The following LDHAL6A variants were observed in gnomAD, a reference collection of about 807,000 sequenced individuals.
LDHAL6A encodes the protein lactate dehydrogenase A like 6A.
LDHAL6A carries 19 observed loss-of-function variants against 28.2 expected under a neutral mutation model. That is an observed-to-expected ratio of 0.67 (90% CI 0.47 to 0.99). LDHAL6A has a LOEUF of 0.99. LDHAL6A is among the 50% of genes least tolerant of loss of function. The pLI, the probability that LDHAL6A is intolerant of heterozygous loss-of-function variation, is 0.00. For synonymous variants in LDHAL6A, 144 were observed against 134.4 expected, an observed-to-expected ratio of 1.07 and a Z score of -0.49; for missense variants, 372 against 398.6, an observed-to-expected ratio of 0.93 and a Z score of 0.57.
chr11:18,467,096 CAGCT>C (rs1167026477), intron 3 of LDHAL6A, among the ~76,000 whole-genome samples: 1 of 152,120 alleles, frequency 6.6e-6, no homozygotes, highest in Non-Finnish European at 1.5e-5. Flanking sequence ...AAATGTCAAA[CAGCT>C]AGAGATTATG....
chr11:18,468,003 G>GTATATATATACATATATATACGTA (rs1565071583), intron 3 of LDHAL6A, among the ~76,000 whole-genome samples: 5 of 61,596 alleles, frequency 8.1e-5, no homozygotes, highest in African/African-American at 3.4e-4. Context: ...ATATATATAC[G>GTATATATATACATATATATACGTA]TATATATATA....
rs1485559262 is a variant in LDHAL6A at position 18,469,031 on chromosome 11, T to C, written c.418+3221T>C. 4.9e-5 allele frequency: 20 copies of C among 407,102 alleles called. No homozygotes were observed. In the Admixed American group the frequency reaches 5.6e-4, roughly 11 times the overall value. 25.2% of individuals were successfully genotyped at this position (407,102 alleles called of 1,614,324 possible). A position where few individuals can be genotyped will look rare whatever the true frequency, so the allele number is the denominator to read the frequency against. On this transcript the variant is annotated intron_variant, in intron 3 of 6. Transcript: ENST00000280706. ...CTGAAAATAACAAGCTGATGATACA[T>C]TATCACATTGTACAATAGTATTTTA... is the stretch of plus-strand genomic sequence containing the variant.
intron 1 of LDHAL6A, among the ~76,000 whole-genome samples, chr11:18,460,991 C>T (rs183568590): frequency 0.024 from 3,725 of 152,168 alleles, 164 homozygotes; most frequent in African/African-American, 0.085. Flanking sequence ...GCATGTGCCC[C>T]CATGCCCAGC....
Position 18,456,568 on chromosome 11 carries a change from G to GT in LDHAL6A, c.-113_-112insT. The GT allele has an allele frequency of 1.1e-6, 1 of 903,564 alleles. No individual in the cohort carries two copies. Among genetic ancestry groups the GT allele is most frequent in the Admixed American group, 2.4e-5 (1 of 40,976 alleles). 56.0% of individuals were successfully genotyped at this position (903,564 alleles called of 1,614,324 possible). A position where few individuals can be genotyped will look rare whatever the true frequency, so the allele number is the denominator to read the frequency against. On this transcript the variant is annotated 5_prime_UTR_variant, in exon 1 of 7. An upstream open reading frame in the 5' UTR loses its in-frame stop. Coordinates refer to ENST00000280706, the MANE Select transcript of LDHAL6A (RefSeq NM_144972.5). ...GTCTGCAGCACCTCCTTCCACACGG[G>GT]CCCAGGAGTTCTCTATACGCGCTCT... is the stretch of plus-strand genomic sequence containing the variant.
chr11:18,474,412 C>T (rs540009628), intron 3 of LDHAL6A, among the ~76,000 whole-genome samples: 77 of 149,242 alleles, frequency 5.2e-4, no homozygotes, highest in Non-Finnish European at 1.0e-3. Context: ...TTTTTTGAGA[C>T]GGAGTCTTGC....
intron 1 of LDHAL6A, among the ~76,000 whole-genome samples, chr11:18,459,814 G>C (rs1848850766): frequency 6.6e-6 from 1 of 152,066 alleles, no homozygotes; most frequent in Non-Finnish European, 1.5e-5. Context: ...AGTTTCTTTA[G>C]ATTTTTCTTG....
chr11:18,461,659 G>A (rs1848908141), intron 1 of LDHAL6A, among the ~76,000 whole-genome samples: 1 of 151,028 alleles, frequency 6.6e-6, no homozygotes, highest in Non-Finnish European at 1.5e-5. Flanking sequence ...GACCAGCCTG[G>A]CCAACATGGT....
intron 3 of LDHAL6A, among the ~76,000 whole-genome samples, chr11:18,467,880 CATATATATATATATATAT>C (rs1161164040): frequency 6.7e-5 from 3 of 44,454 alleles, no homozygotes; most frequent in African/African-American, 2.9e-4. Flanking sequence ...TATATACACA[CATATATATATATATATAT>C]ATATATATAT....
chr11:18,469,350 CAAATT>C (rs1849201982), intron 3 of LDHAL6A: 1 of 420,210 alleles, frequency 2.4e-6, no homozygotes, highest in Non-Finnish European at 4.2e-6. Flanking sequence ...TTAGGAAAAA[CAAATT>C]AAGCATCACT....
In LDHAL6A at chr11:18,475,104, G is replaced by A. The variant is rs527716847; in HGVS notation, c.419-362G>A. 47 of 186,128 alleles carry A rather than the reference G, an allele frequency of 2.5e-4. 1 individual carries two copies. Among genetic ancestry groups the A allele is most frequent in the Non-Finnish European group, 4.5e-4 (40 of 88,870 alleles). The allele number at this position is 186,128 out of a possible 1,614,324, so 11.5% of individuals were successfully genotyped here. ...AAAGATTACAGATGTGAGCCACTGC[G>A]CTCATCCCTCTCTTCCCCTCTTAAC... On this transcript the variant is annotated intron_variant, in intron 3 of 6. Coordinates refer to ENST00000280706, the MANE Select transcript of LDHAL6A (RefSeq NM_144972.5).
chr11:18,471,070 T>C (rs529221883), intron 3 of LDHAL6A, among the ~76,000 whole-genome samples: 2 of 152,210 alleles, frequency 1.3e-5, no homozygotes, highest in Admixed American at 6.5e-5. Context: ...TATTTTATTA[T>C]GCTGATATGA....
Position 18,456,306 on chromosome 11 carries a change from G to A in LDHAL6A, c.-375G>A, listed in dbSNP as rs1848752156. On this transcript the variant is annotated 5_prime_UTR_variant, in exon 1 of 7. Transcript: ENST00000280706. ...CTGGAGCTGAGAACTGGAGGTTGGGGGAACAGCAGGGTAAAGGGGAGAGAA... is the reference window on the plus strand; with the variant it reads ...CTGGAGCTGAGAACTGGAGGTTGGGAGAACAGCAGGGTAAAGGGGAGAGAA... 4.8e-6 allele frequency: 1 copy of A among 208,112 alleles called. No homozygotes were observed. The highest frequency in any genetic ancestry group is 9.6e-6 in the Non-Finnish European group (1 of 103,970). The allele number at this position is 208,112 out of a possible 1,614,324, so 12.9% of individuals were successfully genotyped here.
intron 5 of LDHAL6A, among the ~76,000 whole-genome samples, chr11:18,477,237 T>C (rs779192057): frequency 2.0e-5 from 3 of 151,862 alleles, no homozygotes; most frequent in Non-Finnish European, 2.9e-5. Context: ...GGTAGGTGGA[T>C]CACTTGAGAT....
chr11:18,464,906 G>C (rs1849008346), intron 2 of LDHAL6A, among the ~76,000 whole-genome samples: 2 of 151,398 alleles, frequency 1.3e-5, no homozygotes, highest in South Asian at 4.2e-4. Flanking sequence ...ATTCTTGCCA[G>C]AGTAATCCAT....
At position 18,456,584 on chromosome 11, in the gene LDHAL6A, T is replaced by A; in HGVS notation, c.-97T>A. The A allele has an allele frequency of 8.9e-7, 1 of 1,118,244 alleles. No homozygotes were observed. Among genetic ancestry groups the A allele is most frequent in the South Asian group, 1.3e-5 (1 of 76,996 alleles). The allele number at this position is 1,118,244 out of a possible 1,614,324, so 69.3% of individuals were successfully genotyped here. ...TCCACACGGGCCCAGGAGTTCTCTA[T>A]ACGCGCTCTCACCGCAGGTCTTGGA... is the stretch of plus-strand genomic sequence containing the variant. On this transcript the variant is annotated 5_prime_UTR_variant, in exon 1 of 7. The change creates a premature stop within an existing upstream ORF in the 5' untranslated region. Transcript: ENST00000280706.
chr11:18,463,896 T>G, intron 1 of LDHAL6A, 65 bp from the exon 2 acceptor site: 3 of 990,954 alleles, frequency 3.0e-6, no homozygotes, highest in Non-Finnish European at 4.8e-6. Context: ...ATATAAGAAT[T>G]TTCTTTCATT....
intron 3 of LDHAL6A, among the ~76,000 whole-genome samples, chr11:18,468,025 GTA>G (rs374716640): frequency 0.024 from 1,340 of 54,760 alleles, 82 homozygotes; most frequent in African/African-American, 0.14. Context: ...ATATATATAC[GTA>G]TATATATATA....
intron 3 of LDHAL6A, chr11:18,469,272 T>G (rs1849199825): frequency 1.8e-6 from 1 of 560,554 alleles, no homozygotes; most frequent in Non-Finnish European, 3.1e-6. Context: ...ATCCCCAACC[T>G]ACTTTGATTT....
chr11:18,473,604 C>A (rs557399819), intron 3 of LDHAL6A, among the ~76,000 whole-genome samples: 22 of 152,226 alleles, frequency 1.4e-4, no homozygotes, highest in Non-Finnish European at 2.8e-4. Flanking sequence ...GTTATGTTGC[C>A]CAGGCTGGTC....
Sources: gnomAD v4.1 joint callset for allele counts (sites outside exome capture counted in the v4.1 genomes callset) on GRCh38, gnomAD v4.1.1 for gene constraint, MANE v1.5 for transcripts, NCBI Gene and HGNC (gene_info 2026-07-23, HGNC 2026-07-21) for gene names.